The following MAGI2 variants were observed in gnomAD, a reference collection of about 807,000 sequenced individuals.
The protein encoded by MAGI2 is membrane associated guanylate kinase, WW and PDZ domain containing 2, also known as membrane-associated guanylate kinase, WW and PDZ domain-containing protein 2.
Under a neutral mutation model 133.3 loss-of-function variants are expected in MAGI2, and 35 were observed. The observed-to-expected ratio is 0.26, with a 90% CI of 0.20 to 0.35. MAGI2 has a LOEUF of 0.35. Ranked by LOEUF, MAGI2 falls within the 10% of genes least tolerant of loss-of-function variation. The pLI, the probability that MAGI2 is intolerant of heterozygous loss-of-function variation, is 1.00. For missense variants in MAGI2, 1,636 were observed against 1,863.4 expected (o/e 0.88, Z 2.25); for synonymous variants, 729 against 710.6 (o/e 1.03, Z -0.41).
intron 2 of MAGI2, among the ~76,000 whole-genome samples, chr7:78,777,492 A>G (rs947100370): frequency 1.2e-4 from 18 of 152,074 alleles, no homozygotes; most frequent in Admixed American, 4.6e-4. Context: ...CATCACCACC[A>G]TCGTCATCAT....
rs563355544 is a variant in MAGI2 at position 78,375,718 on chromosome 7, T to C, written c.1046-6505A>G. Among the ~76,000 whole-genome samples the C allele has an allele frequency of 9.3e-4, 141 of 152,270 alleles. 1 individual carries two copies. The highest frequency in any genetic ancestry group is 3.1e-3 in the African/African-American group (128 of 41,570). The stretch of plus-strand genomic sequence containing the variant: ...TGTATTATATGGTAATAGCTACTTA[T>C]TACAAAATCTTTTCCTCTAATATTT... On this transcript the variant is annotated intron_variant, in intron 6 of 21. Coordinates refer to ENST00000354212, the MANE Select transcript of MAGI2 (RefSeq NM_012301.4).
chr7:79,118,872 G>T (rs563492452), intron 1 of MAGI2, among the ~76,000 whole-genome samples: 1 of 152,198 alleles, frequency 6.6e-6, no homozygotes, highest in Non-Finnish European at 1.5e-5. Context: ...CTTGAGGACT[G>T]GTGGATATCA....
At chr7:78,641,113 C>T (rs1044299009) in intron 2 of MAGI2, among the ~76,000 whole-genome samples, 8 of 152,132 alleles carry the variant, frequency 5.3e-5, no homozygotes, top group Admixed American at 1.3e-4. Flanking sequence ...CTTCCCCTTC[C>T]GACATGATTG....
chr7:79,306,547 C>T (rs542788901), intron 1 of MAGI2, among the ~76,000 whole-genome samples: 1 of 151,932 alleles, frequency 6.6e-6, no homozygotes, highest in East Asian at 1.9e-4. Flanking sequence ...AGCATTTGAC[C>T]TTCAATATGT....
At chr7:78,409,751 A>G (rs989410834) in intron 6 of MAGI2, among the ~76,000 whole-genome samples, 8 of 152,102 alleles carry the variant, frequency 5.3e-5, no homozygotes, top group Non-Finnish European at 1.0e-4. Context: ...ACGCAGATTT[A>G]GGTACATGTT....
Position 78,194,860 on chromosome 7 carries a change from T to A in MAGI2, c.2269+14A>T, listed in dbSNP as rs1563244171. 6.3e-7 allele frequency: 1 copy of A among 1,577,410 alleles called. No homozygotes were observed. The highest frequency in any genetic ancestry group is 8.6e-7 in the Non-Finnish European group (1 of 1,163,174). On this transcript the variant is annotated intron_variant, in intron 12 of 21. Coordinates refer to ENST00000354212, the MANE Select transcript of MAGI2 (RefSeq NM_012301.4). ...ATTATTAATGTACCCTTGTTTCATGTGGCTTTCACTTACGCCTACTTTCAT... is the reference window on the plus strand; with the variant it reads ...ATTATTAATGTACCCTTGTTTCATGAGGCTTTCACTTACGCCTACTTTCAT...
intron 21 of MAGI2, among the ~76,000 whole-genome samples, chr7:78,070,144 T>C: frequency 7.1e-6 from 1 of 140,556 alleles, no homozygotes; most frequent in East Asian, 2.1e-4. Context: ...TGTGTGTATA[T>C]ATATACACAC....
At chr7:78,144,541 G>A (rs1354691085) in intron 16 of MAGI2, among the ~76,000 whole-genome samples, 6 of 151,708 alleles carry the variant, frequency 4.0e-5, no homozygotes, top group African/African-American at 7.3e-5. Flanking sequence ...TCCTTCTTTC[G>A]CCACTTCTAA....
intron 2 of MAGI2, among the ~76,000 whole-genome samples, chr7:78,631,689 G>A (rs1026257589): frequency 1.3e-5 from 2 of 152,164 alleles, no homozygotes; most frequent in Non-Finnish European, 2.9e-5. Flanking sequence ...CATAATGTAA[G>A]AATTTTCTGT....
intron 2 of MAGI2, among the ~76,000 whole-genome samples, chr7:78,773,868 A>G (rs563264973): frequency 2.6e-5 from 4 of 152,220 alleles, no homozygotes; most frequent in Non-Finnish European, 5.9e-5. Flanking sequence ...TGGCTAGACA[A>G]TTACATGTTT....
chr7:78,784,437 AC>A (rs1239947976), intron 2 of MAGI2, among the ~76,000 whole-genome samples: 1 of 152,018 alleles, frequency 6.6e-6, no homozygotes, highest in African/African-American at 2.4e-5. Context: ...AGAAACCAGA[AC>A]CCCTATTAGC....
intron 16 of MAGI2, among the ~76,000 whole-genome samples, chr7:78,153,307 G>A (rs1213973918): frequency 6.6e-6 from 1 of 152,210 alleles, no homozygotes; most frequent in Admixed American, 6.5e-5. Flanking sequence ...TAAACATGAT[G>A]CCACTGAAAG....
intron 9 of MAGI2, among the ~76,000 whole-genome samples, chr7:78,313,722 T>C (rs1274615318): frequency 2.0e-5 from 3 of 152,132 alleles, no homozygotes; most frequent in African/African-American, 7.2e-5. Flanking sequence ...GTTTACTTTT[T>C]TGCTCTTAAA....
intron 2 of MAGI2, among the ~76,000 whole-genome samples, chr7:78,972,938 T>TACACACACACACACACAC (rs3069435): frequency 2.0e-5 from 3 of 148,242 alleles, no homozygotes; most frequent in African/African-American, 7.4e-5. Context: ...TTGTTGCTTT[T>TACACACACACACACACAC]ACACACACAC....
rs116035803 is a variant in MAGI2 at position 78,506,752 on chromosome 7, C to T, written c.755-4965G>A. On this transcript the variant is annotated intron_variant, in intron 4 of 21. Transcript: ENST00000354212. ...TGGCTGCCAGTTACGGCAGTATTTA[C>T]GGTGGAGTGGTTGGTGAAGCCAGAT... 2.9e-3 allele frequency among the ~76,000 whole-genome samples: 448 copies of T among 152,186 alleles called. 1 individual carries two copies. Among genetic ancestry groups the T allele is most frequent in the African/African-American group, 0.011 (437 of 41,522 alleles).
chr7:79,005,232 T>C (rs1807317978), intron 2 of MAGI2, among the ~76,000 whole-genome samples: 1 of 152,180 alleles, frequency 6.6e-6, no homozygotes, highest in African/African-American at 2.4e-5. Context: ...TAGTCAATAA[T>C]GTTATTGGAA....
chr7:78,073,684 A>G (rs1428739964), intron 21 of MAGI2, among the ~76,000 whole-genome samples: 3 of 152,214 alleles, frequency 2.0e-5, no homozygotes, highest in Non-Finnish European at 2.9e-5. Flanking sequence ...TCAGTTGATA[A>G]ATCAAGTGTA....
chr7:78,656,394 G>T (rs1812278695), intron 2 of MAGI2, among the ~76,000 whole-genome samples: 2 of 152,130 alleles, frequency 1.3e-5, no homozygotes, highest in African/African-American at 4.8e-5. Context: ...CAACAACATG[G>T]ATGGACCTGG....
intron 1 of MAGI2, among the ~76,000 whole-genome samples, chr7:79,227,826 C>G (rs1189259664): frequency 1.3e-5 from 2 of 152,174 alleles, no homozygotes; most frequent in African/African-American, 4.8e-5. Context: ...ACTCTACAGG[C>G]TGAAAGATAA....
Sources: allele counts gnomAD v4.1 joint callset (sites outside exome capture counted in the v4.1 genomes callset), GRCh38; gene constraint gnomAD v4.1.1; transcripts MANE v1.5; gene names NCBI Gene and HGNC (gene_info 2026-07-23, HGNC 2026-07-21).